The following PRKCH variants were observed in gnomAD, a reference collection of about 807,000 sequenced individuals.
The protein encoded by PRKCH is protein kinase C eta, also known as protein kinase C eta type.
In PRKCH, 28 loss-of-function variants were observed where a neutral mutation model predicts 82.5. The ratio of observed to expected loss-of-function variants is 0.34; its 90% confidence interval spans 0.25 to 0.47. PRKCH has a LOEUF of 0.47. Among genes scored for constraint, PRKCH ranks in the 20% least tolerant of loss-of-function variants. The pLI is 1.00. For missense variants in PRKCH, 705 were observed against 881.8 expected, an observed-to-expected ratio of 0.80 and a Z score of 2.54; for synonymous variants, 322 against 327.4, an observed-to-expected ratio of 0.98 and a Z score of 0.18.
chr14:61,503,889 TG>T (rs1244871553), intron 10 of PRKCH, among the ~76,000 whole-genome samples: 1 of 152,194 alleles, frequency 6.6e-6, no homozygotes, highest in Non-Finnish European at 1.5e-5. Flanking sequence ...TTATACTTTG[TG>T]TTTTAAGATA....
intron 1 of PRKCH, among the ~76,000 whole-genome samples, chr14:61,311,263 G>C (rs528766452): frequency 2.6e-5 from 4 of 152,204 alleles, no homozygotes; most frequent in Non-Finnish European, 5.9e-5. Flanking sequence ...GCATCATCAG[G>C]CTGCAAATTT....
At chr14:61,483,749 A>G (rs1886086116) in intron 9 of PRKCH, among the ~76,000 whole-genome samples, 1 of 152,170 alleles carries the variant, frequency 6.6e-6, no homozygotes, top group South Asian at 2.1e-4. Context: ...TACAACCACA[A>G]ATAAAGATAG....
chr14:61,351,858 A>G (rs559276885), intron 1 of PRKCH, among the ~76,000 whole-genome samples: 78 of 152,268 alleles, frequency 5.1e-4, no homozygotes, highest in African/African-American at 1.9e-3. Context: ...CTGCTTGACT[A>G]TAAAACTATA....
At chr14:61,286,170 C>T (rs1277616139) in intron 1 of PRKCH, among the ~76,000 whole-genome samples, 1 of 152,192 alleles carries the variant, frequency 6.6e-6, no homozygotes, top group East Asian at 1.9e-4. Context: ...GTTTATACTG[C>T]TCAAGATTGT....
chr14:61,205,055 C>T (rs1231173746), intron 1 of PRKCH, among the ~76,000 whole-genome samples: 3 of 152,122 alleles, frequency 2.0e-5, no homozygotes, highest in African/African-American at 7.2e-5. Flanking sequence ...TTTAAAAAGT[C>T]CTGGGTTCTC....
intron 1 of PRKCH, among the ~76,000 whole-genome samples, chr14:61,194,139 T>C (rs866995487): frequency 6.6e-6 from 1 of 152,266 alleles, no homozygotes; most frequent in Admixed American, 6.5e-5. Flanking sequence ...CTTGTTGTTA[T>C]ATATTCTTTA....
chr14:61,379,686 C>G (rs558194807), intron 1 of PRKCH, among the ~76,000 whole-genome samples: 1 of 151,966 alleles, frequency 6.6e-6, no homozygotes, highest in Non-Finnish European at 1.5e-5. Context: ...CTTGTGGGGC[C>G]GATGACCACT....
chr14:61,526,573 T>C (rs1251158279), intron 10 of PRKCH, among the ~76,000 whole-genome samples: 1 of 152,264 alleles, frequency 6.6e-6, no homozygotes, highest in Non-Finnish European at 1.5e-5. Context: ...AAACCAGTCA[T>C]GCCAGTTCTG....
intron 1 of PRKCH, among the ~76,000 whole-genome samples, chr14:61,389,035 A>C (rs1030445246): frequency 4.6e-5 from 7 of 152,222 alleles, no homozygotes; most frequent in Non-Finnish European, 1.0e-4. Context: ...GGGCTTTGTC[A>C]TGGGTAGATA....
At position 61,529,079 on chromosome 14, in the gene PRKCH, C is replaced by T; in HGVS notation, c.1438C>T (p.Leu480=). Residue 480 remains leucine (L), a synonymous_variant, in exon 11 of 14, where the codon CTG becomes TTG. Transcript: ENST00000332981. ...GCTGCTCTTTGTATCTTTCAGAGAT[C>T]TGAAACTGGACAATGTCCTGTTGGA... ...LHDKGIIYRD[L]KLDNVLLDHE... The T allele has an allele frequency of 1.2e-6, 2 of 1,608,180 alleles. No homozygotes were observed. The highest frequency in any genetic ancestry group is 1.7e-6 in the Non-Finnish European group (2 of 1,176,842).
intron 1 of PRKCH, among the ~76,000 whole-genome samples, chr14:61,368,369 C>G (rs577914761): frequency 2.0e-5 from 3 of 152,106 alleles, no homozygotes; most frequent in African/African-American, 7.2e-5. Flanking sequence ...GCCTTTGAGC[C>G]TTGTGTGTTT....
intron 1 of PRKCH, among the ~76,000 whole-genome samples, chr14:61,381,929 G>T (rs10133497): frequency 0.078 from 11,870 of 152,270 alleles, 656 homozygotes; most frequent in East Asian, 0.22. Context: ...CACCAGCGTG[G>T]CATCTTCCCA....
intron 1 of PRKCH, among the ~76,000 whole-genome samples, chr14:61,197,222 A>G (rs577179065): frequency 5.9e-5 from 9 of 152,352 alleles, no homozygotes; most frequent in African/African-American, 1.7e-4. Context: ...TCAAAACAAT[A>G]TAAATAAAAG....
chr14:61,374,359 C>A (rs767077259), intron 1 of PRKCH, among the ~76,000 whole-genome samples: 4 of 152,112 alleles, frequency 2.6e-5, no homozygotes, highest in Admixed American at 6.5e-5. Flanking sequence ...GTCTGGAGGA[C>A]AATGTCTGTC....
intron 1 of PRKCH, chr14:61,279,166 TGGCAAA>T (rs1440527378): frequency 6.6e-6 from 1 of 152,276 alleles, no homozygotes; most frequent in East Asian, 1.9e-4. Context: ...ACACAGTACC[TGGCAAA>T]GTTTGCCTGT....
chr14:61,447,027 C>T (rs1036807667), intron 4 of PRKCH, among the ~76,000 whole-genome samples: 15 of 152,180 alleles, frequency 9.9e-5, no homozygotes, highest in Admixed American at 2.0e-4. Flanking sequence ...TTGGTGATGT[C>T]TCCCTAAGGC....
At chr14:61,391,461 G>A (rs577858472) in intron 2 of PRKCH, among the ~76,000 whole-genome samples, 173 bp downstream of exon 2, 2 of 152,150 alleles carry the variant, frequency 1.3e-5, no homozygotes, top group African/African-American at 2.4e-5. Context: ...ATTGGTTCAG[G>A]TTGCCAAATT....
intron 1 of PRKCH, among the ~76,000 whole-genome samples, chr14:61,213,210 G>A (rs947201275): frequency 1.3e-5 from 2 of 152,142 alleles, no homozygotes; most frequent in Non-Finnish European, 2.9e-5. Context: ...TGAAACTCCC[G>A]CCTTACCCTC....
intron 1 of PRKCH, among the ~76,000 whole-genome samples, chr14:61,275,799 C>T (rs1470244886): frequency 1.3e-5 from 2 of 152,138 alleles, no homozygotes; most frequent in East Asian, 3.9e-4. Context: ...CCCTACAACC[C>T]CCAAAGTTTC....
Sources: allele counts gnomAD v4.1 joint callset (sites outside exome capture counted in the v4.1 genomes callset), GRCh38; gene constraint gnomAD v4.1.1; transcripts MANE v1.5; gene names NCBI Gene and HGNC (gene_info 2026-07-23, HGNC 2026-07-21).